DIS3L2: variants seen among roughly 807,000 people sequenced by gnomAD.
The protein encoded by DIS3L2 is DIS3-like exonuclease 2.
In DIS3L2, 34 loss-of-function variants were observed where a neutral mutation model predicts 97.5. That is an observed-to-expected ratio of 0.35 (90% CI 0.27 to 0.46). The LOEUF is 0.46. DIS3L2 is among the 20% of genes least tolerant of loss of function. DIS3L2 has a pLI of 1.00. For synonymous variants in DIS3L2, 435 were observed against 445.2 expected, an observed-to-expected ratio of 0.98 and a Z score of 0.29; for missense variants, 1,038 against 1,146.0, an observed-to-expected ratio of 0.91 and a Z score of 1.36.
intron 11 of DIS3L2, among the ~76,000 whole-genome samples, chr2:232,246,747 C>T (rs1693259149): frequency 6.6e-6 from 1 of 152,138 alleles, no homozygotes; most frequent in Non-Finnish European, 1.5e-5. Context: ...AGTGGTGAGG[C>T]CCTTTTTGCA....
chr2:232,337,239 G>A (rs774844680), downstream of DIS3L2: 37 of 924,634 alleles, frequency 4.0e-5, no homozygotes, highest in Admixed American at 1.3e-4. Flanking sequence ...TGTGTCTGAC[G>A]AATGTGACTG....
chr2:231,977,241 CGTCT>C (rs58566567), intron 1 of DIS3L2, among the ~76,000 whole-genome samples: 1,531 of 152,126 alleles, frequency 0.01, 20 homozygotes, highest in African/African-American at 0.034. Context: ...AGTTGAGGAC[CGTCT>C]GTCTGTACAA....
intron 5 of DIS3L2, among the ~76,000 whole-genome samples, chr2:232,040,134 G>A (rs1357691744): frequency 6.6e-6 from 1 of 152,176 alleles, no homozygotes; most frequent in East Asian, 1.9e-4. Context: ...CTTCATAGAG[G>A]TTACATTAGA....
rs1036062157 is a variant in DIS3L2 at position 232,281,004 on chromosome 2, A to G, written c.1659+17564A>G. On this transcript the variant is annotated intron_variant, in intron 13 of 20. Transcript: ENST00000325385. This position sits in a 1 kb window ranked among gnomAD's most constrained non-coding sequence, Gnocchi z 4.1. ...TGGTTTGTTCTGGAATGTACAGGCCATTGGTGTGGCTGTGTCAGAGGAAGG... is the reference window on the plus strand; with the variant it reads ...TGGTTTGTTCTGGAATGTACAGGCCGTTGGTGTGGCTGTGTCAGAGGAAGG... Among the ~76,000 whole-genome samples the G allele has an allele frequency of 1.3e-5, 2 of 152,300 alleles. No homozygotes were observed. The highest frequency in any genetic ancestry group is 1.9e-4 in the East Asian group (1 of 5,192).
intron 6 of DIS3L2, among the ~76,000 whole-genome samples, chr2:232,105,890 G>A (rs573021972): frequency 1.3e-5 from 2 of 152,038 alleles, no homozygotes; most frequent in South Asian, 2.1e-4. Context: ...TGGCTTTTCC[G>A]GCACCTTTTC....
chr2:232,008,041 C>T (rs190690660), intron 1 of DIS3L2, among the ~76,000 whole-genome samples: 4 of 152,026 alleles, frequency 2.6e-5, no homozygotes, highest in East Asian at 1.9e-4. Flanking sequence ...GGGTCTCACT[C>T]TGTCACTTGG....
chr2:232,302,801 C>T (rs1266574365), intron 14 of DIS3L2, among the ~76,000 whole-genome samples: 3 of 151,910 alleles, frequency 2.0e-5, no homozygotes, highest in East Asian at 3.9e-4. Context: ...TCTAGGTGAT[C>T]CACCTGCCTT....
intron 10 of DIS3L2, among the ~76,000 whole-genome samples, chr2:232,233,936 GC>G (rs1275913591): frequency 6.6e-6 from 1 of 152,232 alleles, no homozygotes; most frequent in Non-Finnish European, 1.5e-5. Flanking sequence ...AACCAAAAGA[GC>G]CTGCAGGGAC....
At chr2:232,218,858 C>CATA (rs1337175152) in intron 10 of DIS3L2, among the ~76,000 whole-genome samples, 1 of 152,196 alleles carries the variant, frequency 6.6e-6, no homozygotes, top group African/African-American at 2.4e-5. Flanking sequence ...CCTGCTTGTA[C>CATA]CTATGGGTTA....
At chr2:232,314,196 C>A (rs1008001937) in intron 14 of DIS3L2, among the ~76,000 whole-genome samples, 1 of 152,252 alleles carries the variant, frequency 6.6e-6, no homozygotes, top group Non-Finnish European at 1.5e-5. Context: ...ATAGGGCATT[C>A]TCCAGCCTGT....
intron 12 of DIS3L2, among the ~76,000 whole-genome samples, chr2:232,251,091 A>T (rs1291049151): frequency 6.6e-6 from 1 of 152,222 alleles, no homozygotes. Flanking sequence ...GCTTTATTTT[A>T]CTTTGATGAA....
At chr2:232,026,762 C>G (rs1694671230) in intron 4 of DIS3L2, among the ~76,000 whole-genome samples, 1 of 152,094 alleles carries the variant, frequency 6.6e-6, no homozygotes, top group Non-Finnish European at 1.5e-5. Flanking sequence ...TGTAACCTGG[C>G]TTGTTAAAGA....
chr2:232,013,199 C>G (rs1694259516), intron 1 of DIS3L2, among the ~76,000 whole-genome samples: 1 of 152,174 alleles, frequency 6.6e-6, no homozygotes, highest in African/African-American at 2.4e-5. Flanking sequence ...TTTCACCTGT[C>G]TGTCCTGATT....
At chr2:232,337,570 C>T (rs1028890539), downstream of DIS3L2, among the ~76,000 whole-genome samples, 17 of 152,120 alleles carry the variant, frequency 1.1e-4, no homozygotes, top group African/African-American at 3.9e-4. Flanking sequence ...TGGGCAGTCC[C>T]TTCCCCAGCC....
At chr2:232,195,700 C>T (rs185255653) in intron 9 of DIS3L2, among the ~76,000 whole-genome samples, 2 of 152,166 alleles carry the variant, frequency 1.3e-5, no homozygotes, top group East Asian at 3.9e-4. Flanking sequence ...TGTTCTCCTG[C>T]ATCAGCCTCC....
intron 5 of DIS3L2, among the ~76,000 whole-genome samples, chr2:232,079,599 C>CAAAAAAAAAAAAAAAAA (rs760870721): frequency 1.0e-4 from 3 of 29,630 alleles, no homozygotes; most frequent in Non-Finnish European, 1.7e-4. Context: ...GACTCTATCT[C>CAAAAAAAAAAAAAAAAA]AAAAAAAAAA....
At chr2:232,026,570 C>G (rs1013825134) in intron 4 of DIS3L2, among the ~76,000 whole-genome samples, 1 of 151,796 alleles carries the variant, frequency 6.6e-6, no homozygotes, top group Non-Finnish European at 1.5e-5. Flanking sequence ...TGGGGAAGTG[C>G]CTGTATATGT....
At chr2:232,255,807 A>G (rs1189359682) in intron 12 of DIS3L2, among the ~76,000 whole-genome samples, 1 of 152,114 alleles carries the variant, frequency 6.6e-6, no homozygotes, top group Non-Finnish European at 1.5e-5. Flanking sequence ...GAAGTCGCCT[A>G]TTTCAGCCAT....
In DIS3L2 at chr2:232,238,530, C is replaced by T. The variant is rs774283939; in HGVS notation, c.1205-3C>T. On this transcript the variant is annotated splice_polypyrimidine_tract_variant and splice_region_variant and intron_variant, in intron 10 of 20. Transcript: ENST00000325385. ...CCTGATAGTCCTTCTCGTGCATTTA[C>T]AGGCAACTTCAAAGTGGGAGTTCAC... 1.7e-5 allele frequency: 28 copies of T among 1,613,350 alleles called. No individual in the cohort carries two copies. The highest frequency in any genetic ancestry group is 1.2e-4 in the Admixed American group (7 of 59,904).
Sources: allele counts gnomAD v4.1 joint callset (sites outside exome capture counted in the v4.1 genomes callset), GRCh38; gene constraint gnomAD v4.1.1; non-coding constraint Gnocchi (gnomAD v3.1); transcripts MANE v1.5; gene names NCBI Gene and HGNC (gene_info 2026-07-23, HGNC 2026-07-21).